Variants in EML1 observed in about 807,000 individuals in gnomAD.
EML1 encodes the protein echinoderm microtubule-associated protein-like 1.
EML1 carries 27 observed loss-of-function variants against 110.4 expected under a neutral mutation model. That is an observed-to-expected ratio of 0.24 (90% CI 0.18 to 0.34). EML1 has a LOEUF of 0.34. EML1 is among the 10% of genes least tolerant of loss of function. EML1 has a pLI of 1.00. For synonymous variants in EML1, 344 were observed against 385.8 expected (o/e 0.89, Z 1.27); for missense variants, 741 against 1,030.9 (o/e 0.72, Z 3.85).
At chr14:99,925,856 C>T (rs1442069688) in intron 17 of EML1, among the ~76,000 whole-genome samples, 1 of 152,160 alleles carries the variant, frequency 6.6e-6, no homozygotes, top group African/African-American at 2.4e-5. Flanking sequence ...ATCCAATAAC[C>T]GTAACCTCAA....
intron 1 of EML1, among the ~76,000 whole-genome samples, chr14:99,823,402 C>G (rs1455974225): frequency 3.3e-5 from 5 of 151,992 alleles, no homozygotes; most frequent in Non-Finnish European, 4.4e-5. Flanking sequence ...AGGAGGGTCA[C>G]CAGGCTTAGT....
intron 4 of EML1, among the ~76,000 whole-genome samples, chr14:99,885,045 C>T (rs1165850935): frequency 1.3e-5 from 2 of 152,216 alleles, no homozygotes; most frequent in African/African-American, 2.4e-5. Context: ...CTGCACACAC[C>T]GCTTGCCCTC....
At chr14:99,866,292 C>T (rs530515349) in intron 3 of EML1, among the ~76,000 whole-genome samples, 38 of 152,158 alleles carry the variant, frequency 2.5e-4, no homozygotes, top group African/African-American at 8.9e-4. Context: ...TAGTGCTGGC[C>T]GGGCTTGGTG....
intron 1 of EML1, among the ~76,000 whole-genome samples, chr14:99,848,484 AT>A (rs1357357867): frequency 6.6e-6 from 1 of 152,148 alleles, no homozygotes; most frequent in African/African-American, 2.4e-5. Flanking sequence ...AATATATACA[AT>A]TTTTGCCAAT....
At chr14:99,900,348 C>T (rs1416375926) in intron 8 of EML1, among the ~76,000 whole-genome samples, 3 of 151,886 alleles carry the variant, frequency 2.0e-5, no homozygotes, top group Non-Finnish European at 2.9e-5. Flanking sequence ...CTACCACGCC[C>T]GGCTAATTTT....
chr14:99,887,593 A>G (rs574802193), intron 4 of EML1, among the ~76,000 whole-genome samples: 8 of 152,134 alleles, frequency 5.3e-5, no homozygotes, highest in Non-Finnish European at 1.2e-4. Context: ...ATGTTAAGTC[A>G]CCCACTTAAT....
At chr14:99,815,478 T>C (rs1250538090) in intron 1 of EML1, among the ~76,000 whole-genome samples, 1 of 152,192 alleles carries the variant, frequency 6.6e-6, no homozygotes, top group Non-Finnish European at 1.5e-5. Flanking sequence ...CTTCTAATAG[T>C]ATAATGATAT....
At chr14:99,842,844 C>T (rs1486144051) in intron 1 of EML1, among the ~76,000 whole-genome samples, 2 of 152,112 alleles carry the variant, frequency 1.3e-5, no homozygotes, top group Non-Finnish European at 1.5e-5. Flanking sequence ...CAACTTTTTC[C>T]TCCTCAATCC....
chr14:99,862,792 G>A (rs775204314), intron 2 of EML1, among the ~76,000 whole-genome samples: 26 of 152,090 alleles, frequency 1.7e-4, no homozygotes, highest in Admixed American at 3.3e-4. Flanking sequence ...TGCCCCAGCC[G>A]TACGTGCTGC....
At chr14:99,867,489 T>C (rs1413497039) in intron 3 of EML1, among the ~76,000 whole-genome samples, 1 of 152,212 alleles carries the variant, frequency 6.6e-6, no homozygotes, top group Non-Finnish European at 1.5e-5. Flanking sequence ...TTTTTTTGTA[T>C]TTTCTTTTAG....
At chr14:99,886,038 C>T (rs746698) in intron 4 of EML1, 63,045 of 326,932 alleles carry the variant, frequency 0.19, 7,142 homozygotes, top group East Asian at 0.43. Flanking sequence ...TCTCCAGCAA[C>T]TTCTAAACAT....
chr14:99,745,438 A>C (rs186837618), intron 1 of EML1, among the ~76,000 whole-genome samples: 1 of 152,366 alleles, frequency 6.6e-6, no homozygotes, highest in Non-Finnish European at 1.5e-5. Context: ...AAACACATTT[A>C]AATAAAACTT....
At chr14:99,768,524 G>T (rs1223372656), upstream of EML1, among the ~76,000 whole-genome samples, 1 of 152,154 alleles carries the variant, frequency 6.6e-6, no homozygotes, top group Non-Finnish European at 1.5e-5. Context: ...CACATGGCTG[G>T]AATATAGCAA....
intron 1 of EML1, among the ~76,000 whole-genome samples, chr14:99,795,808 T>G (rs1016785553): frequency 2.6e-5 from 4 of 152,228 alleles, no homozygotes; most frequent in Admixed American, 6.5e-5. Flanking sequence ...ATATGTTCAG[T>G]ATGCGTCATG....
chr14:99,850,380 A>C, intron 1 of EML1: 6 of 1,282,832 alleles, frequency 4.7e-6, no homozygotes, highest in Non-Finnish European at 6.1e-6. Context: ...TGCCAAACTC[A>C]TATTGCTTTA....
At chr14:99,767,581 T>C (rs1489282372) in intron 1 of EML1, among the ~76,000 whole-genome samples, 1 of 151,678 alleles carries the variant, frequency 6.6e-6, no homozygotes, top group South Asian at 2.1e-4. Context: ...CTGCACTCCA[T>C]CCTGGTGACA....
At chr14:99,856,478 C>G (rs1933283098) in intron 2 of EML1, among the ~76,000 whole-genome samples, 2 of 152,178 alleles carry the variant, frequency 1.3e-5, no homozygotes, top group African/African-American at 2.4e-5. Flanking sequence ...CAGTCAATGA[C>G]ATTAATGAAT....
At chr14:99,792,956 A>T (rs2057694302), upstream of EML1, 1 of 151,940 alleles carries the variant, frequency 6.6e-6, no homozygotes, top group Non-Finnish European at 1.5e-5. Context: ...GCGCGGGAAC[A>T]GCGCGTCGGG....
At chr14:99,937,975 C>A in intron 20 of EML1, 63 bp downstream of exon 20, 1 of 1,525,676 alleles carries the variant, frequency 6.6e-7, no homozygotes, top group Non-Finnish European at 9.1e-7. Flanking sequence ...AATATTTCTT[C>A]AGTTGCTACG....
Sources: allele counts gnomAD v4.1 joint callset (sites outside exome capture counted in the v4.1 genomes callset), GRCh38; gene constraint gnomAD v4.1.1; transcripts MANE v1.5; gene names NCBI Gene and HGNC (gene_info 2026-07-23, HGNC 2026-07-21).